BBX: variants seen among roughly 807,000 people sequenced by gnomAD.
The protein encoded by BBX is HMG box transcription factor BBX.
In BBX, 30 loss-of-function variants were observed where a neutral mutation model predicts 100.2. The ratio of observed to expected loss-of-function variants is 0.30; its 90% confidence interval spans 0.22 to 0.41. BBX has a LOEUF of 0.41. BBX is among the 10% of genes least tolerant of loss of function. The pLI is 1.00. For synonymous variants in BBX, 376 were observed against 388.1 expected (o/e 0.97, Z 0.37); for missense variants, 1,023 against 1,129.8 (o/e 0.91, Z 1.35).
chr3:107,563,603 G>A (rs946758278), intron 2 of BBX, among the ~76,000 whole-genome samples: 14 of 151,922 alleles, frequency 9.2e-5, no homozygotes, highest in Non-Finnish European at 1.8e-4. Flanking sequence ...ATTTTTTTGT[G>A]TCAAAAACCA....
At chr3:107,783,562 A>T (rs528007222) in intron 13 of BBX, among the ~76,000 whole-genome samples, 2 of 152,172 alleles carry the variant, frequency 1.3e-5, no homozygotes, top group Admixed American at 1.3e-4. Flanking sequence ...CCTATGAGCC[A>T]ATACCCTATT....
intron 15 of BBX, among the ~76,000 whole-genome samples, chr3:107,793,609 C>T (rs577267957): frequency 1.3e-5 from 2 of 152,168 alleles, no homozygotes; most frequent in South Asian, 4.1e-4. Context: ...GAAACTTCAC[C>T]TTGGAGAGGG....
At chr3:107,538,738 C>G (rs532834646) in intron 2 of BBX, among the ~76,000 whole-genome samples, 1 of 151,928 alleles carries the variant, frequency 6.6e-6, no homozygotes, top group African/African-American at 2.4e-5. Flanking sequence ...CATAAGGGAG[C>G]TTTGAAAAGG....
intron 2 of BBX, among the ~76,000 whole-genome samples, chr3:107,635,868 C>A (rs1037644077): frequency 4.7e-4 from 72 of 152,064 alleles, no homozygotes; most frequent in African/African-American, 1.7e-3. Context: ...CCTGCCACTA[C>A]GCCTGACTAA....
intron 3 of BBX, among the ~76,000 whole-genome samples, chr3:107,682,017 A>G (rs1038602349): frequency 2.6e-5 from 4 of 152,168 alleles, no homozygotes; most frequent in African/African-American, 9.6e-5. Flanking sequence ...AACGTGCTTC[A>G]TAACAGTGCA....
At chr3:107,763,300 C>G (rs1469720719) in intron 10 of BBX, among the ~76,000 whole-genome samples, 1 of 151,240 alleles carries the variant, frequency 6.6e-6, no homozygotes, top group Non-Finnish European at 1.5e-5. Context: ...TCTCGGCTCA[C>G]TGCAAGCTCC....
chr3:107,623,869 C>T (rs2055966335), intron 2 of BBX, among the ~76,000 whole-genome samples: 1 of 152,076 alleles, frequency 6.6e-6, no homozygotes, highest in Non-Finnish European at 1.5e-5. Flanking sequence ...AAGAATGTAA[C>T]CTATTTTACT....
At chr3:107,642,014 A>C (rs1055496006) in intron 2 of BBX, 3 of 152,176 alleles carry the variant, frequency 2.0e-5, no homozygotes, top group African/African-American at 7.2e-5. Context: ...TTAACTAGAG[A>C]TCAGACTGTC....
At chr3:107,565,503 C>G (rs1452488663) in intron 2 of BBX, among the ~76,000 whole-genome samples, 3 of 148,344 alleles carry the variant, frequency 2.0e-5, no homozygotes, top group African/African-American at 7.5e-5. Flanking sequence ...CGGAGTCTCA[C>G]TCTGTTGCCC....
At chr3:107,527,748 C>T (rs1348790584) in intron 2 of BBX, among the ~76,000 whole-genome samples, 1 of 152,042 alleles carries the variant, frequency 6.6e-6, no homozygotes, top group Admixed American at 6.5e-5. Context: ...ATCGGAGTGT[C>T]AAAATGAGAA....
intron 10 of BBX, among the ~76,000 whole-genome samples, chr3:107,768,689 G>T (rs771301980): frequency 1.3e-5 from 2 of 151,728 alleles, no homozygotes; most frequent in Non-Finnish European, 2.9e-5. Context: ...TATTATGTGG[G>T]TATAGAAAAC....
At chr3:107,776,980 G>A (rs2067370463) in intron 12 of BBX, among the ~76,000 whole-genome samples, 2 of 152,152 alleles carry the variant, frequency 1.3e-5, no homozygotes, top group African/African-American at 4.8e-5. Context: ...ACTTAGTACA[G>A]TAGTTCCCCC....
At chr3:107,741,878 T>G (rs1207150885) in intron 7 of BBX, among the ~76,000 whole-genome samples, 1 of 152,184 alleles carries the variant, frequency 6.6e-6, no homozygotes, top group Admixed American at 6.6e-5. Context: ...TCTTATTTCT[T>G]TATCAAATTC....
intron 3 of BBX, chr3:107,661,894 G>T: frequency 1.0e-6 from 1 of 985,300 alleles, no homozygotes; most frequent in African/African-American, 1.7e-5. Flanking sequence ...TATAGATGTG[G>T]AGGATTCACT....
intron 9 of BBX, among the ~76,000 whole-genome samples, chr3:107,748,523 A>G (rs2064810751): frequency 6.6e-6 from 1 of 152,206 alleles, no homozygotes; most frequent in African/African-American, 2.4e-5. Flanking sequence ...ATTTAATCCC[A>G]GGCTCAGATC....
chr3:107,694,646 C>G (rs1414204284), intron 3 of BBX, among the ~76,000 whole-genome samples: 1 of 149,756 alleles, frequency 6.7e-6, no homozygotes, highest in Non-Finnish European at 1.5e-5. Context: ...GGATATTGGT[C>G]TAAAATTCTC....
intron 17 of BBX, among the ~76,000 whole-genome samples, chr3:107,802,610 G>A (rs1439556779): frequency 1.3e-5 from 2 of 152,224 alleles, no homozygotes. Context: ...AATTGAGAGA[G>A]GGATAATAAT....
intron 2 of BBX, among the ~76,000 whole-genome samples, chr3:107,644,565 A>G (rs975658639): frequency 6.6e-6 from 1 of 152,308 alleles, no homozygotes; most frequent in South Asian, 2.1e-4. Context: ...CTATTTTATA[A>G]TAATAGACTT....
At chr3:107,685,997 A>AGTTCATTTCAGAGGCGGAAAGT (rs1483192801) in intron 3 of BBX, among the ~76,000 whole-genome samples, 1 of 152,190 alleles carries the variant, frequency 6.6e-6, no homozygotes, top group East Asian at 1.9e-4. Context: ...TTATTGATCC[A>AGTTCATTTCAGAGGCGGAAAGT]GTTCATTTCA....
Sources: allele counts gnomAD v4.1 joint callset (sites outside exome capture counted in the v4.1 genomes callset), GRCh38; gene constraint gnomAD v4.1.1; transcripts MANE v1.5; gene names NCBI Gene and HGNC (gene_info 2026-07-23, HGNC 2026-07-21).